CDH18: variants seen among roughly 807,000 people sequenced by gnomAD.
CDH18 encodes cadherin-18.
A neutral mutation model predicts 67.9 loss-of-function variants in CDH18; 31 were observed. The observed-to-expected ratio is 0.46, with a 90% CI of 0.34 to 0.62. The LOEUF is 0.62. Ranked by LOEUF, CDH18 falls within the 20% of genes least tolerant of loss-of-function variation. The pLI is 0.01. For synonymous variants in CDH18, 362 were observed against 347.2 expected, an observed-to-expected ratio of 1.04 and a Z score of -0.48; for missense variants, 890 against 975.5, an observed-to-expected ratio of 0.91 and a Z score of 1.17.
At chr5:19,613,605 A>G (rs903804999) in intron 5 of CDH18, among the ~76,000 whole-genome samples, 9 of 152,312 alleles carry the variant, frequency 5.9e-5, no homozygotes, top group African/African-American at 2.2e-4. Flanking sequence ...TGGATTGAAT[A>G]AAGAAATGAA....
At chr5:19,746,019 A>C (rs1320020896) in intron 4 of CDH18, among the ~76,000 whole-genome samples, 4 of 152,172 alleles carry the variant, frequency 2.6e-5, no homozygotes, top group African/African-American at 9.7e-5. Context: ...ATACTCATAC[A>C]TATGCAGTAA....
rs536952982 is a variant in CDH18, at chr5:20,346,949, G to C, written c.-579-91444C>G. ...CAGAATAGACCTTGATTATCTCTTA[G>C]CAGAAAAATGAGGGGTATGTGCTAT... On this transcript the variant is annotated intron_variant, in intron 1 of 14. Coordinates refer to the CDH18 transcript ENST00000507958. Among the ~76,000 whole-genome samples the C allele has an allele frequency of 4.0e-4, 61 of 152,188 alleles. No individual in the cohort carries two copies. In the East Asian group the frequency reaches 7.9e-3, roughly 20 times the overall value.
intron 1 of CDH18, among the ~76,000 whole-genome samples, chr5:20,307,535 C>T (rs1306728944): frequency 1.7e-4 from 26 of 152,118 alleles, no homozygotes; most frequent in Non-Finnish European, 1.5e-5. Context: ...CATGAATTCA[C>T]ACATGTTAAA....
At chr5:20,041,028 G>C (rs574963240) in intron 2 of CDH18, among the ~76,000 whole-genome samples, 2 of 152,018 alleles carry the variant, frequency 1.3e-5, no homozygotes, top group Non-Finnish European at 2.9e-5. Context: ...TTATGTTGTT[G>C]GTTTTAATTA....
intron 7 of CDH18, among the ~76,000 whole-genome samples, chr5:19,573,770 C>A (rs1423372818): frequency 6.6e-6 from 1 of 152,180 alleles, no homozygotes; most frequent in East Asian, 1.9e-4. Flanking sequence ...AAAAATGGTC[C>A]CTCTTGGCTT....
intron 2 of CDH18, among the ~76,000 whole-genome samples, chr5:19,839,920 T>C (rs1034702444): frequency 2.6e-5 from 4 of 151,648 alleles, no homozygotes; most frequent in East Asian, 1.9e-4. Flanking sequence ...AAGAAAAAAA[T>C]AGCGGTAAAT....
chr5:19,534,476 G>C (rs1265514653), intron 9 of CDH18, among the ~76,000 whole-genome samples: 2 of 152,028 alleles, frequency 1.3e-5, no homozygotes. Context: ...AAGGAAAAAG[G>C]TGACGTTAAA....
chr5:20,575,014 C>T (rs1413925624), intron 1 of CDH18, among the ~76,000 whole-genome samples: 1 of 151,504 alleles, frequency 6.6e-6, no homozygotes, highest in Non-Finnish European at 1.5e-5. Flanking sequence ...CACTGAAAAG[C>T]ATATGATAGC....
chr5:20,524,400 A>G (rs1755921564), intron 1 of CDH18, among the ~76,000 whole-genome samples: 1 of 152,198 alleles, frequency 6.6e-6, no homozygotes, highest in South Asian at 2.1e-4. Flanking sequence ...TGTTTAGTCA[A>G]TTTGTTATGG....
chr5:20,002,981 C>G (rs1436180885), intron 2 of CDH18, among the ~76,000 whole-genome samples: 1 of 150,370 alleles, frequency 6.7e-6, no homozygotes, highest in Admixed American at 6.6e-5. Context: ...AAAAGCAATT[C>G]ACCTATTGGG....
chr5:20,104,668 G>A (rs1055726569), intron 2 of CDH18, among the ~76,000 whole-genome samples: 2 of 151,918 alleles, frequency 1.3e-5, no homozygotes, highest in Non-Finnish European at 2.9e-5. Context: ...TCCCATCCCC[G>A]AGAACCATTC....
chr5:20,202,055 A>T (rs1336506357), intron 2 of CDH18, among the ~76,000 whole-genome samples: 3 of 152,166 alleles, frequency 2.0e-5, no homozygotes, highest in Non-Finnish European at 1.5e-5. Context: ...GTGGACTAGG[A>T]TTTAAAAATC....
upstream of CDH18, among the ~76,000 whole-genome samples, chr5:19,993,012 TC>T: frequency 6.6e-6 from 1 of 152,240 alleles, no homozygotes; most frequent in African/African-American, 2.4e-5. Context: ...GAGCTCCAAC[TC>T]CAAACCTGCC....
At chr5:20,336,550 G>A (rs56139478) in intron 1 of CDH18, among the ~76,000 whole-genome samples, 2 of 151,478 alleles carry the variant, frequency 1.3e-5, no homozygotes, top group South Asian at 4.2e-4. Context: ...TTGAAACCCC[G>A]TCTATACTAA....
At chr5:20,464,334 G>C (rs10067927) in intron 1 of CDH18, among the ~76,000 whole-genome samples, 1 of 152,016 alleles carries the variant, frequency 6.6e-6, no homozygotes, top group South Asian at 2.1e-4. Context: ...GAGGAAGTAC[G>C]TGTGAATTGA....
intron 2 of CDH18, among the ~76,000 whole-genome samples, chr5:20,172,242 A>ATATATATATATATGTG (rs1736888454): frequency 3.2e-4 from 18 of 56,700 alleles, no homozygotes; most frequent in South Asian, 5.4e-4. Context: ...ATATATATGT[A>ATATATATATATATGTG]TATATATATA....
chr5:20,267,224 T>C (rs1278304114), intron 1 of CDH18, among the ~76,000 whole-genome samples: 1 of 152,246 alleles, frequency 6.6e-6, no homozygotes, highest in Admixed American at 6.5e-5. Flanking sequence ...ATCATCTTTG[T>C]CAAAGGTCAC....
intron 5 of CDH18, among the ~76,000 whole-genome samples, chr5:19,632,126 C>T (rs1189468503): frequency 6.6e-6 from 1 of 152,038 alleles, no homozygotes; most frequent in Non-Finnish European, 1.5e-5. Flanking sequence ...GGTAAAAGCC[C>T]AGTATAATTA....
In CDH18 at chr5:19,552,091, C is replaced by T. The variant is rs79590359; in HGVS notation, c.1254-8086G>A. 4.7e-4 allele frequency among the ~76,000 whole-genome samples: 72 copies of T among 152,196 alleles called. No homozygotes were observed. The East Asian group carries it at 0.014, about 29-fold the overall frequency. ...GGTAGCACTAATCATGCCAAGAAATCGTGTCTTACCTATCCAGGCCAGTAT... is the reference window on the plus strand; with the variant it reads ...GGTAGCACTAATCATGCCAAGAAATTGTGTCTTACCTATCCAGGCCAGTAT... On this transcript the variant is annotated intron_variant, in intron 8 of 12. Transcript: ENST00000382275.
Sources: allele counts gnomAD v4.1 joint callset (sites outside exome capture counted in the v4.1 genomes callset), GRCh38; gene constraint gnomAD v4.1.1; transcripts MANE v1.5; gene names NCBI Gene and HGNC (gene_info 2026-07-23, HGNC 2026-07-21).